The following RBM47 variants were observed in gnomAD, a reference collection of about 807,000 sequenced individuals.
RBM47 encodes the protein RNA-binding protein 47.
RBM47 carries 21 observed loss-of-function variants against 47.1 expected under a neutral mutation model. That is an observed-to-expected ratio of 0.45 (90% CI 0.32 to 0.64). RBM47 has a LOEUF of 0.64. Ranked by LOEUF, RBM47 falls within the 30% of genes least tolerant of loss-of-function variation. The pLI is 0.05. For missense variants in RBM47, 708 were observed against 870.9 expected, an observed-to-expected ratio of 0.81 and a Z score of 2.35; for synonymous variants, 375 against 361.7, an observed-to-expected ratio of 1.04 and a Z score of -0.42.
intron 2 of RBM47, among the ~76,000 whole-genome samples, chr4:40,523,384 C>A (rs528466475): frequency 6.6e-6 from 1 of 152,162 alleles, no homozygotes; most frequent in South Asian, 2.1e-4. Flanking sequence ...GGCGTGGTGG[C>A]TCACGCCTAT....
In RBM47 at chr4:40,505,424, C is replaced by T. The variant is rs139125892; in HGVS notation, c.-154-38725G>A. Among the ~76,000 whole-genome samples the T allele has an allele frequency of 9.9e-3, 1,412 of 142,502 alleles. 24 individuals carry two copies. The highest frequency in any genetic ancestry group is 9.3e-3 in the Non-Finnish European group (622 of 66,528). The allele number at this position is 142,502 out of a possible 152,430, so 93.5% of individuals were successfully genotyped here. ...GGGGAATCACTTGAACCCAGTGAGG[C>T]GAGATTGTGCCATCGCACTCCAGCC... On this transcript the variant is annotated intron_variant, in intron 2 of 6. Transcript: ENST00000295971.
At chr4:40,434,229 C>T (rs1368973897) in intron 5 of RBM47, among the ~76,000 whole-genome samples, 2 of 152,154 alleles carry the variant, frequency 1.3e-5, no homozygotes, top group African/African-American at 4.8e-5. Context: ...AAATCTTTTA[C>T]CTGCCTTTCC....
At position 40,436,438 on chromosome 4, in the gene RBM47, G is replaced by A. The variant is rs781206235; in HGVS notation, c.1330+3C>T. The A allele has an allele frequency of 6.2e-7, 1 of 1,612,482 alleles. No individual in the cohort carries two copies. Among genetic ancestry groups the A allele is most frequent in the South Asian group, 1.1e-5 (1 of 91,060 alleles). ...GAGCATTCTCAATCTGCTTCATACT[G>A]ACCTGTACCAGGTTTAATGGCAACT... On this transcript the variant is annotated splice_donor_region_variant and intron_variant, in intron 5 of 6. Coordinates refer to ENST00000295971, the MANE Select transcript of RBM47 (RefSeq NM_001098634.2).
At chr4:40,510,812 C>CT (rs1724830248) in intron 2 of RBM47, among the ~76,000 whole-genome samples, 1 of 152,116 alleles carries the variant, frequency 6.6e-6, no homozygotes, top group Non-Finnish European at 1.5e-5. Context: ...TGGCTCACAC[C>CT]TGTAATCCCA....
chr4:40,463,361 A>G (rs1261701010), intron 3 of RBM47, among the ~76,000 whole-genome samples: 1 of 152,186 alleles, frequency 6.6e-6, no homozygotes. Context: ...ATTATCAAAA[A>G]AACAAAACCA....
intron 2 of RBM47, among the ~76,000 whole-genome samples, chr4:40,535,968 TG>T (rs111543767): frequency 0.018 from 2,728 of 152,350 alleles, 87 homozygotes; most frequent in African/African-American, 0.06. Flanking sequence ...CCCAGAGTGC[TG>T]GGATTACAGG....
chr4:40,551,228 C>A (rs16852322), intron 1 of RBM47, among the ~76,000 whole-genome samples: 10,935 of 152,172 alleles, frequency 0.072, 580 homozygotes, highest in African/African-American at 0.15. Context: ...ATACGGTGGC[C>A]ACAAAATACA....
intron 1 of RBM47, among the ~76,000 whole-genome samples, chr4:40,603,023 T>A (rs1360362801): frequency 6.6e-6 from 1 of 151,838 alleles, no homozygotes; most frequent in African/African-American, 2.4e-5. Flanking sequence ...ATCCCATCTT[T>A]AAAAAAAAAT....
At position 40,548,934 on chromosome 4, in the gene RBM47, G is replaced by C. The variant is rs544898641; in HGVS notation, c.-239-4428C>G. Among the ~76,000 whole-genome samples, 4 of 152,274 alleles carry C rather than the reference G, an allele frequency of 2.6e-5. No homozygotes were observed. In the South Asian group the frequency reaches 8.3e-4, roughly 32 times the overall value. ...GCCCAACTTGGCCTCCCAAAGTGCT[G>C]GGATTACAGGCATGAGCCACTGTGC... On this transcript the variant is annotated intron_variant, in intron 1 of 6. Coordinates refer to ENST00000295971, the MANE Select transcript of RBM47 (RefSeq NM_001098634.2).
intron 1 of RBM47, among the ~76,000 whole-genome samples, chr4:40,562,866 C>T (rs749103158): frequency 1.4e-4 from 21 of 152,054 alleles, no homozygotes; most frequent in Non-Finnish European, 1.5e-4. Context: ...TTTTTAGAAG[C>T]GACAGCAACA....
intron 1 of RBM47, among the ~76,000 whole-genome samples, chr4:40,569,881 T>A (rs1487082576): frequency 6.6e-6 from 1 of 151,544 alleles, no homozygotes; most frequent in Non-Finnish European, 1.5e-5. Context: ...CTGGCTAATT[T>A]TTGTATTTTT....
At chr4:40,621,225 C>T (rs1737237279) in intron 1 of RBM47, among the ~76,000 whole-genome samples, 1 of 152,098 alleles carries the variant, frequency 6.6e-6, no homozygotes, top group Non-Finnish European at 1.5e-5. Flanking sequence ...CTAACAGCAA[C>T]TGAGGAAGCC....
chr4:40,468,049 G>A (rs1718312800), intron 2 of RBM47, among the ~76,000 whole-genome samples: 1 of 152,198 alleles, frequency 6.6e-6, no homozygotes, highest in Non-Finnish European at 1.5e-5. Context: ...ACTTTGGGAG[G>A]TCAAGATGAG....
chr4:40,476,878 T>C (rs549122142), intron 2 of RBM47, among the ~76,000 whole-genome samples: 2 of 152,322 alleles, frequency 1.3e-5, no homozygotes, highest in African/African-American at 4.8e-5. Context: ...GTCATCACTG[T>C]ATCATTGTTA....
At chr4:40,610,464 G>A (rs549002618) in intron 1 of RBM47, among the ~76,000 whole-genome samples, 1 of 151,888 alleles carries the variant, frequency 6.6e-6, no homozygotes, top group Non-Finnish European at 1.5e-5. Context: ...CAAAAAATTA[G>A]CCAGGCTCGG....
intron 1 of RBM47, among the ~76,000 whole-genome samples, chr4:40,545,574 G>T (rs896844817): frequency 1.3e-5 from 2 of 148,238 alleles, no homozygotes; most frequent in Admixed American, 6.7e-5. Context: ...TGACACAGGA[G>T]AACTGCTTGA....
chr4:40,558,992 T>C (rs1412615236), intron 1 of RBM47, among the ~76,000 whole-genome samples: 1 of 152,124 alleles, frequency 6.6e-6, no homozygotes, highest in African/African-American at 2.4e-5. Flanking sequence ...AGACTCCGTC[T>C]CAAAAAAGAA....
At chr4:40,573,807 A>AAAAGAAAGAAAGAAAG (rs1553903538) in intron 1 of RBM47, among the ~76,000 whole-genome samples, 4,148 of 136,730 alleles carry the variant, frequency 0.03, 137 homozygotes, top group African/African-American at 0.076. Flanking sequence ...GAAAGAAAGA[A>AAAAGAAAGAAAGAAAG]AAAGAAAGAA....
chr4:40,473,071 T>C (rs767486763), intron 2 of RBM47, among the ~76,000 whole-genome samples: 20 of 152,332 alleles, frequency 1.3e-4, no homozygotes, highest in Admixed American at 5.2e-4. Context: ...TGAGATGGTA[T>C]ATGTGGTAGG....
Sources: gnomAD v4.1 joint callset for allele counts (sites outside exome capture counted in the v4.1 genomes callset) on GRCh38, gnomAD v4.1.1 for gene constraint, MANE v1.5 for transcripts, NCBI Gene and HGNC (gene_info 2026-07-23, HGNC 2026-07-21) for gene names.